Variants in FSTL4 observed in about 807,000 individuals in gnomAD.
The protein encoded by FSTL4 is follistatin like 4.
A neutral mutation model predicts 78.2 loss-of-function variants in FSTL4; 28 were observed. The observed-to-expected ratio is 0.36, with a 90% CI of 0.27 to 0.49. The LOEUF is 0.49. Ranked by LOEUF, FSTL4 falls within the 20% of genes least tolerant of loss-of-function variation. The probability of loss-of-function intolerance (pLI) is 0.98; values close to 1 mark genes in which losing one functional copy is unlikely to be tolerated. For missense variants in FSTL4, 922 were observed against 1,084.9 expected (o/e 0.85, Z 2.11); for synonymous variants, 422 against 440.5 (o/e 0.96, Z 0.53).
intron 4 of FSTL4, among the ~76,000 whole-genome samples, chr5:133,378,471 A>G (rs1380937286): frequency 1.3e-5 from 2 of 152,210 alleles, no homozygotes; most frequent in Non-Finnish European, 2.9e-5. Flanking sequence ...ATGGTAAATA[A>G]GAAGGTTAAC....
intron 3 of FSTL4, among the ~76,000 whole-genome samples, chr5:133,444,234 T>C (rs1048074220): frequency 6.6e-6 from 1 of 152,230 alleles, no homozygotes. Flanking sequence ...AGGCACCTTC[T>C]TGCCCACAGT....
intron 3 of FSTL4, among the ~76,000 whole-genome samples, chr5:133,404,107 G>T (rs1227045072): frequency 2.0e-5 from 3 of 152,204 alleles, no homozygotes; most frequent in East Asian, 1.9e-4. Flanking sequence ...CTGATTACTT[G>T]CAATTAAGAC....
the FSTL4 span, among the ~76,000 whole-genome samples, chr5:133,679,442 C>G: frequency 6.6e-6 from 1 of 152,116 alleles, no homozygotes; most frequent in East Asian, 1.9e-4. Context: ...CAGTGGGGAT[C>G]GTGCTCCCTC....
chr5:133,307,453 TG>T (rs1375525890), intron 6 of FSTL4, among the ~76,000 whole-genome samples: 9 of 152,206 alleles, frequency 5.9e-5, no homozygotes, highest in Non-Finnish European at 1.2e-4. Context: ...CTGCTGACTA[TG>T]TGATCTTGGG....
the FSTL4 span, among the ~76,000 whole-genome samples, chr5:133,738,641 G>A: frequency 6.6e-6 from 1 of 152,196 alleles, no homozygotes; most frequent in South Asian, 2.1e-4. Context: ...GCTGTCTTAC[G>A]GCTGCCCCTT....
At chr5:133,429,472 C>G (rs569013417) in intron 3 of FSTL4, among the ~76,000 whole-genome samples, 4 of 152,250 alleles carry the variant, frequency 2.6e-5, no homozygotes, top group African/African-American at 9.6e-5. Flanking sequence ...GTGACTCCCC[C>G]ACCCCAGGGA....
chr5:133,461,366 G>A lies in FSTL4; in HGVS notation c.161-60380C>T, dbSNP rs150326527. Among the ~76,000 whole-genome samples the A allele has an allele frequency of 4.0e-3, 606 of 152,264 alleles. 2 individuals are homozygous for A. The highest frequency in any genetic ancestry group is 5.6e-3 in the South Asian group (27 of 4,826). On this transcript the variant is annotated intron_variant, in intron 3 of 15. Coordinates refer to ENST00000265342, the MANE Select transcript of FSTL4 (RefSeq NM_015082.2). ...TGACTGTCACATTTTTGGCATTTTG[G>A]CCTCTTGCAAGGGACTTAATTACAT...
chr5:133,747,647 C>T, the FSTL4 span, among the ~76,000 whole-genome samples: 4 of 152,148 alleles, frequency 2.6e-5, no homozygotes, highest in Non-Finnish European at 5.9e-5. Flanking sequence ...TGTAATCAGG[C>T]TCTAATAAGA....
At chr5:133,796,406 T>C in the FSTL4 span, among the ~76,000 whole-genome samples, 262 of 152,264 alleles carry the variant, frequency 1.7e-3, 1 homozygote, top group African/African-American at 6.3e-3. Flanking sequence ...GCTTCCTGTA[T>C]CCCGAGCTCT....
At chr5:133,343,757 G>T (rs1754638948) in intron 4 of FSTL4, among the ~76,000 whole-genome samples, 1 of 152,160 alleles carries the variant, frequency 6.6e-6, no homozygotes, top group Admixed American at 6.5e-5. Flanking sequence ...CATTCTGTGA[G>T]CAACACCACT....
chr5:133,716,362 A>G, the FSTL4 span, among the ~76,000 whole-genome samples: 2 of 145,084 alleles, frequency 1.4e-5, no homozygotes, highest in Non-Finnish European at 3.0e-5. Flanking sequence ...GTGCCTCATC[A>G]GTTTATATAA....
chr5:133,399,879 A>C (rs1015553434), intron 4 of FSTL4, among the ~76,000 whole-genome samples: 3 of 152,136 alleles, frequency 2.0e-5, no homozygotes, highest in African/African-American at 7.2e-5. Flanking sequence ...TTCCTAATTC[A>C]TGTATACCCA....
chr5:133,524,890 C>T (rs963429543), intron 3 of FSTL4, among the ~76,000 whole-genome samples: 2 of 152,230 alleles, frequency 1.3e-5, no homozygotes, highest in Non-Finnish European at 2.9e-5. Flanking sequence ...AATTTGGCCT[C>T]ACTGTACTCA....
At chr5:133,450,059 C>T (rs1299804295) in intron 3 of FSTL4, among the ~76,000 whole-genome samples, 1 of 152,136 alleles carries the variant, frequency 6.6e-6, no homozygotes, top group African/African-American at 2.4e-5. Context: ...GTACAAGTGG[C>T]TTTGGAATAG....
At chr5:133,747,989 G>T in the FSTL4 span, among the ~76,000 whole-genome samples, 2 of 152,166 alleles carry the variant, frequency 1.3e-5, no homozygotes, top group African/African-American at 4.8e-5. Flanking sequence ...AAGGTCAAGA[G>T]ATCGAGACCA....
chr5:133,454,501 A>G (rs1357849525), intron 3 of FSTL4, among the ~76,000 whole-genome samples: 1 of 152,238 alleles, frequency 6.6e-6, no homozygotes, highest in Non-Finnish European at 1.5e-5. Context: ...CTTCAGCAGC[A>G]GTCGCTGGAT....
At chr5:133,502,636 G>A (rs10793818) in intron 3 of FSTL4, among the ~76,000 whole-genome samples, 78,075 of 151,870 alleles carry the variant, frequency 0.51, 20,444 homozygotes, top group African/African-American at 0.59. Context: ...TTTTAAAAGC[G>A]TGTAGCACCT....
intron 3 of FSTL4, among the ~76,000 whole-genome samples, chr5:133,433,384 C>T (rs905196716): frequency 2.0e-5 from 3 of 152,198 alleles, no homozygotes; most frequent in Non-Finnish European, 4.4e-5. Context: ...GGGTAGGGCA[C>T]CCCTTCAAGC....
At chr5:133,496,948 C>T (rs948685994) in intron 3 of FSTL4, among the ~76,000 whole-genome samples, 6 of 152,286 alleles carry the variant, frequency 3.9e-5, no homozygotes, top group Non-Finnish European at 8.8e-5. Context: ...TGGTCTTAGC[C>T]AGCCCTACCC....
Sources: gnomAD v4.1 joint callset for allele counts (sites outside exome capture counted in the v4.1 genomes callset) on GRCh38, gnomAD v4.1.1 for gene constraint, MANE v1.5 for transcripts, NCBI Gene and HGNC (gene_info 2026-07-23, HGNC 2026-07-21) for gene names.